The following TMC7 variants were observed in gnomAD, a reference collection of about 807,000 sequenced individuals.
TMC7 encodes the protein transmembrane channel-like protein 7.
A neutral mutation model predicts 82.9 loss-of-function variants in TMC7; 54 were observed. The ratio of observed to expected loss-of-function variants is 0.65; its 90% CI spans 0.52 to 0.82. TMC7 has a LOEUF of 0.82. TMC7 is among the 40% of genes least tolerant of loss of function. The pLI is 0.00. For missense variants in TMC7, 820 were observed against 901.2 expected (o/e 0.91, Z 1.15); for synonymous variants, 350 against 337.9 (o/e 1.04, Z -0.39).
At chr16:19,046,655 C>T (rs978264468) in intron 11 of TMC7, among the ~76,000 whole-genome samples, 10 of 151,962 alleles carry the variant, frequency 6.6e-5, no homozygotes, top group South Asian at 2.1e-4. Context: ...GGCAAAATAG[C>T]GAGACCCTGT....
chr16:19,059,226 G>T (rs1293959346), intron 14 of TMC7, among the ~76,000 whole-genome samples, 190 bp from the exon 15 acceptor site: 15 of 152,158 alleles, frequency 9.9e-5, no homozygotes, highest in African/African-American at 3.4e-4. Context: ...GCCTGGGCTG[G>T]TCTCAAACTC....
At position 19,016,509 on chromosome 16, in the gene TMC7, G is replaced by A; in HGVS notation, c.371G>A (p.Ser124Asn). The change falls in exon 3 of 16, where the codon AGC (serine) becomes AAC (asparagine). Residue 124 changes from serine to asparagine, a missense_variant. Transcript: ENST00000304381. ...GAATGGGACCAGTGGAAGCGGTATA[G>A]CAGCAAGTCTTGGAAGAGGTTCCTA... is the stretch of plus-strand genomic sequence containing the variant. ...LSEWDQWKRY[S>N]SKSWKRFLEK... 1 of 1,614,222 alleles carries A rather than the reference G, an allele frequency of 6.2e-7. No homozygotes were observed. The highest frequency in any genetic ancestry group is 8.5e-7 in the Non-Finnish European group (1 of 1,180,056).
intron 12 of TMC7, among the ~76,000 whole-genome samples, chr16:19,051,238 CTTT>C (rs35452001): frequency 3.0e-5 from 4 of 133,096 alleles, no homozygotes; most frequent in Non-Finnish European, 3.3e-5. Context: ...CCACCAAAAT[CTTT>C]TTTTTTTTTT....
intron 4 of TMC7, 56 bp from the exon 5 acceptor site, chr16:19,023,057 C>T (rs1367172524): frequency 2.8e-6 from 3 of 1,061,874 alleles, no homozygotes; most frequent in Non-Finnish European, 4.2e-6. Flanking sequence ...AAAAACCAGG[C>T]AGGTTATAGA....
intron 9 of TMC7, among the ~76,000 whole-genome samples, chr16:19,042,350 T>A (rs912389293): frequency 9.2e-5 from 14 of 151,876 alleles, no homozygotes; most frequent in Non-Finnish European, 1.9e-4. Flanking sequence ...AATTTTTAAA[T>A]TTTTTGTAGA....
intron 14 of TMC7, among the ~76,000 whole-genome samples, 177 bp downstream of exon 14, chr16:19,056,874 C>T (rs1161853185): frequency 6.6e-6 from 1 of 151,974 alleles, no homozygotes; most frequent in East Asian, 1.9e-4. Context: ...CCTGTAATCC[C>T]AACACTTTGG....
intron 2 of TMC7, 115 bp from the exon 3 acceptor site, chr16:19,016,335 C>G: frequency 7.8e-7 from 1 of 1,289,850 alleles, no homozygotes; most frequent in East Asian, 2.5e-5. Flanking sequence ...GGTGATCCAC[C>G]TGCCTCGGCC....
Position 19,039,092 on chromosome 16 carries a change from CTTTTTTTTTTT to C in TMC7, c.1179+1051_1179+1061del, listed in dbSNP as rs376747652. Among the ~76,000 whole-genome samples the C allele has an allele frequency of 8.4e-5, 11 of 130,456 alleles. No homozygotes were observed. The South Asian group carries it at 2.6e-3, about 31-fold the overall frequency. The allele number at this position is 130,456 out of a possible 152,430, so 85.6% of individuals were successfully genotyped here. A position where few individuals can be genotyped will look rare whatever the true frequency, so the allele number is the denominator to read the frequency against. On this transcript the variant is annotated intron_variant, in intron 8 of 15. Coordinates refer to ENST00000304381, the MANE Select transcript of TMC7 (RefSeq NM_024847.4). ...GGTTTTCTTTTCTTCTTTCTTTTTTCTTTTTTTTTTTTTTTTGAGACAGAGTCTCACTCTGT... is the reference window on the plus strand; with the variant it reads ...GGTTTTCTTTTCTTCTTTCTTTTTTCTTTTTGAGACAGAGTCTCACTCTGT...
intron 12 of TMC7, among the ~76,000 whole-genome samples, chr16:19,049,885 A>G (rs970825270): frequency 3.3e-5 from 5 of 152,110 alleles, no homozygotes; most frequent in Non-Finnish European, 5.9e-5. Flanking sequence ...TGTTACCATT[A>G]TATCCTTTCT....
In TMC7 at chr16:19,028,988, G is replaced by GTTTTA. The variant is rs1960367256; in HGVS notation, c.712-1222_712-1218dup. ...ACTTTTTAAAAAAAAATTTTTAATT[G>GTTTTA]TTTTATTTTATTTTATTTATTTATT... On this transcript the variant is annotated intron_variant, in intron 5 of 15. Transcript: ENST00000304381. 6.2e-5 allele frequency among the ~76,000 whole-genome samples: 9 copies of GTTTTA among 144,612 alleles called. No individual in the cohort carries two copies. The South Asian group carries it at 1.8e-3, about 28-fold the overall frequency. The allele number at this position is 144,612 out of a possible 152,430, so 94.9% of individuals were successfully genotyped here.
intron 5 of TMC7, among the ~76,000 whole-genome samples, chr16:19,023,866 C>T (rs1960102626): frequency 6.6e-6 from 1 of 152,188 alleles, no homozygotes; most frequent in South Asian, 2.1e-4. Context: ...CGATAAACCC[C>T]AACATTTTGG....
intron 3 of TMC7, among the ~76,000 whole-genome samples, chr16:19,021,001 G>T (rs1459700492): frequency 6.6e-6 from 1 of 152,104 alleles, no homozygotes; most frequent in African/African-American, 2.4e-5. Context: ...ATACCATGTT[G>T]ATGGATCAGA....
At chr16:19,005,167 C>G (rs1242313693) in intron 1 of TMC7, among the ~76,000 whole-genome samples, 1 of 152,028 alleles carries the variant, frequency 6.6e-6, no homozygotes, top group Non-Finnish European at 1.5e-5. Flanking sequence ...TGGCTCACCA[C>G]AAGCTCTGCC....
intron 1 of TMC7, among the ~76,000 whole-genome samples, chr16:18,993,476 C>T (rs2038985944): frequency 6.6e-6 from 1 of 152,098 alleles, no homozygotes; most frequent in African/African-American, 2.4e-5. Flanking sequence ...TAGGTGGAAA[C>T]TTCAGTAGAA....
intron 12 of TMC7, 66 bp from the exon 13 acceptor site, chr16:19,051,620 C>T: frequency 1.3e-6 from 2 of 1,567,024 alleles, no homozygotes; most frequent in Non-Finnish European, 1.8e-6. Flanking sequence ...TGCAGGAATG[C>T]ACTTATTTAT....
At chr16:19,014,531 C>T (rs545732037) in intron 2 of TMC7, among the ~76,000 whole-genome samples, 3 of 152,296 alleles carry the variant, frequency 2.0e-5, no homozygotes, top group African/African-American at 7.2e-5. Flanking sequence ...AGGGTGGAGG[C>T]GTGTGCCGTG....
At chr16:19,056,468 C>T in intron 13 of TMC7, 74 bp from the exon 14 acceptor site, 1 of 1,516,596 alleles carries the variant, frequency 6.6e-7, no homozygotes, top group South Asian at 1.3e-5. Context: ...ACAAAACATT[C>T]TGGGTGTACA....
At position 19,063,672 on chromosome 16, in the gene TMC7, T is replaced by TTGTGTGTGTGTG. The variant is rs5816025; in HGVS notation, c.*1844_*1855dup. 3.3e-5 allele frequency: 5 copies of TTGTGTGTGTGTG among 149,324 alleles called. No homozygotes were observed. Among genetic ancestry groups the TTGTGTGTGTGTG allele is most frequent in the African/African-American group, 7.4e-5 (3 of 40,646 alleles). The allele number at this position is 149,324 out of a possible 1,614,324, so 9.2% of individuals were successfully genotyped here. A position where few individuals can be genotyped will look rare whatever the true frequency, so the allele number is the denominator to read the frequency against. ...ACTTGATGATATTCAAGTTTTCTAT[T>TTGTGTGTGTGTG]TGTGTGTGTGTGTGTGTGTGTGTGT... On this transcript the variant is annotated 3_prime_UTR_variant, in exon 16 of 16. Transcript: ENST00000304381.
Position 19,037,953 on chromosome 16 carries a change from G to A in TMC7, c.1085G>A (p.Arg362Lys). The A allele has an allele frequency of 6.2e-7, 1 of 1,614,116 alleles. No individual in the cohort carries two copies. The highest frequency in any genetic ancestry group is 8.5e-7 in the Non-Finnish European group (1 of 1,180,016). Residue 362 changes from arginine (R) to lysine (K), a missense_variant, in exon 8 of 16, where the codon AGA (arginine) becomes AAA (lysine). Arg to Lys is a conservative substitution (Grantham distance 26). Coordinates refer to ENST00000304381, the MANE Select transcript of TMC7 (RefSeq NM_024847.4). ...SEETIRIYSLRLFLNCIVLAV... is the reference protein window; with the variant it reads ...SEETIRIYSLKLFLNCIVLAV... ...GAAACAATACGCATTTACTCTTTGA[G>A]ACTGTTTTTGAACTGTATTGTTCTG...
Sources: allele counts gnomAD v4.1 joint callset (sites outside exome capture counted in the v4.1 genomes callset), GRCh38; gene constraint gnomAD v4.1.1; transcripts MANE v1.5; gene names NCBI Gene and HGNC (gene_info 2026-07-23, HGNC 2026-07-21).